Variants in ROBO1 observed in about 807,000 individuals in gnomAD.
ROBO1 encodes roundabout homolog 1.
Under a neutral mutation model 195.9 loss-of-function variants are expected in ROBO1, and 149 were observed. The observed-to-expected ratio is 0.76, with a 90% CI of 0.67 to 0.87. The LOEUF (loss-of-function observed/expected upper bound fraction) is 0.87, where lower values mean the gene tolerates loss of function less well. Ranked by LOEUF, ROBO1 falls within the 40% of genes least tolerant of loss-of-function variation. The probability of loss-of-function intolerance (pLI) is 0.00; values close to 1 mark genes in which losing one functional copy is unlikely to be tolerated. For missense variants in ROBO1, 1,933 were observed against 2,068.3 expected, an observed-to-expected ratio of 0.93 and a Z score of 1.27; for synonymous variants, 816 against 733.2, an observed-to-expected ratio of 1.11 and a Z score of -1.82.
chr3:79,752,071 C>T (rs568424720), intron 1 of ROBO1, among the ~76,000 whole-genome samples: 6 of 152,236 alleles, frequency 3.9e-5, no homozygotes, highest in African/African-American at 1.2e-4. Flanking sequence ...AACAAGCCAA[C>T]ACATTTTTAT....
chr3:78,947,490 A>C (rs1439774229), intron 3 of ROBO1, among the ~76,000 whole-genome samples: 1 of 152,202 alleles, frequency 6.6e-6, no homozygotes, highest in Non-Finnish European at 1.5e-5. Context: ...ACAAAGTCAC[A>C]ACATACCAGA....
intron 3 of ROBO1, among the ~76,000 whole-genome samples, chr3:79,110,986 A>G (rs1019882263): frequency 6.6e-6 from 1 of 152,088 alleles, no homozygotes; most frequent in African/African-American, 2.4e-5. Context: ...GTGTCATAAT[A>G]TATCACTTGT....
At chr3:79,136,492 T>G (rs2080411721) in intron 2 of ROBO1, among the ~76,000 whole-genome samples, 1 of 152,148 alleles carries the variant, frequency 6.6e-6, no homozygotes, top group Admixed American at 6.5e-5. Flanking sequence ...GAATATAAAC[T>G]ACTATCAATA....
chr3:79,027,294 C>T (rs1427393573), intron 3 of ROBO1, among the ~76,000 whole-genome samples: 2 of 152,076 alleles, frequency 1.3e-5, no homozygotes, highest in Non-Finnish European at 2.9e-5. Context: ...TTCAATGTTA[C>T]ACTACCTTTG....
intron 2 of ROBO1, among the ~76,000 whole-genome samples, chr3:79,269,444 T>G (rs147422787): frequency 2.0e-3 from 309 of 151,766 alleles, no homozygotes; most frequent in African/African-American, 7.0e-3. Context: ...AAATAACTAG[T>G]GTAGTTTTTT....
intron 2 of ROBO1, among the ~76,000 whole-genome samples, chr3:79,287,407 C>G (rs2031953651): frequency 6.6e-6 from 1 of 152,004 alleles, no homozygotes; most frequent in Non-Finnish European, 1.5e-5. Flanking sequence ...TATGCAAACC[C>G]CATAATTCTC....
At chr3:78,744,488 G>T (rs572870775) in intron 5 of ROBO1, among the ~76,000 whole-genome samples, 1 of 152,150 alleles carries the variant, frequency 6.6e-6, no homozygotes, top group Non-Finnish European at 1.5e-5. Flanking sequence ...AAGAGCCTAC[G>T]CAGTTGGACA....
chr3:78,693,407 A>G (rs973722900), intron 8 of ROBO1: 5 of 1,310,830 alleles, frequency 3.8e-6, no homozygotes, highest in African/African-American at 1.5e-5. Context: ...ATAAGGAAAC[A>G]TAAAATGAAA....
At chr3:79,169,461 C>G (rs550592660) in intron 2 of ROBO1, among the ~76,000 whole-genome samples, 1 of 152,258 alleles carries the variant, frequency 6.6e-6, no homozygotes, top group African/African-American at 2.4e-5. Context: ...TGCACACACA[C>G]ACACACGTTT....
intron 3 of ROBO1, among the ~76,000 whole-genome samples, chr3:78,975,311 T>C (rs1180361135): frequency 1.3e-5 from 2 of 152,200 alleles, no homozygotes; most frequent in Admixed American, 6.5e-5. Context: ...GATTATCTCC[T>C]ATGTTCATGT....
chr3:79,525,254 T>C (rs1449621357), intron 2 of ROBO1, among the ~76,000 whole-genome samples: 1 of 150,546 alleles, frequency 6.6e-6, no homozygotes, highest in Non-Finnish European at 1.5e-5. Flanking sequence ...ACACTATATG[T>C]ATAATGTCTG....
At chr3:79,260,623 T>G (rs892942279) in intron 2 of ROBO1, among the ~76,000 whole-genome samples, 4 of 152,130 alleles carry the variant, frequency 2.6e-5, no homozygotes, top group African/African-American at 9.6e-5. Context: ...ATTCTGGTTA[T>G]TAGAGAGTTT....
At chr3:79,643,913 G>C (rs1401807034) in intron 1 of ROBO1, among the ~76,000 whole-genome samples, 1 of 151,934 alleles carries the variant, frequency 6.6e-6, no homozygotes, top group Non-Finnish European at 1.5e-5. Context: ...AAAAAACGTA[G>C]GATGAAGAAA....
intron 1 of ROBO1, among the ~76,000 whole-genome samples, chr3:79,607,182 T>C (rs1944515041): frequency 2.0e-5 from 3 of 150,520 alleles, no homozygotes; most frequent in Non-Finnish European, 4.4e-5. Flanking sequence ...TGAAATCTGG[T>C]GTGATTTTAC....
intron 2 of ROBO1, among the ~76,000 whole-genome samples, chr3:79,364,234 GTGTA>G (rs1387738228): frequency 1.4e-5 from 2 of 145,816 alleles, no homozygotes; most frequent in Admixed American, 6.9e-5. Flanking sequence ...AAATGTGTGT[GTGTA>G]TATATATATA....
chr3:79,560,887 A>G (rs1323998599), intron 2 of ROBO1, among the ~76,000 whole-genome samples: 1 of 152,174 alleles, frequency 6.6e-6, no homozygotes, highest in Non-Finnish European at 1.5e-5. Flanking sequence ...AACAATTGCT[A>G]TGATATGTAT....
chr3:78,654,995 C>T (rs1256988739), intron 18 of ROBO1, among the ~76,000 whole-genome samples: 2 of 152,300 alleles, frequency 1.3e-5, no homozygotes, highest in Non-Finnish European at 1.5e-5. Context: ...TTTTCCTCCA[C>T]ATCTCATATA....
intron 4 of ROBO1, among the ~76,000 whole-genome samples, chr3:78,813,186 A>C (rs948051459): frequency 6.6e-6 from 1 of 152,082 alleles, no homozygotes; most frequent in East Asian, 1.9e-4. Context: ...TCAAATAATA[A>C]GGAAGAAAAT....
intron 1 of ROBO1, among the ~76,000 whole-genome samples, chr3:79,633,982 T>C (rs371911054): frequency 6.6e-6 from 1 of 152,122 alleles, no homozygotes; most frequent in East Asian, 1.9e-4. Flanking sequence ...GAGCCAAGTA[T>C]GACATTAGAT....
Sources: gnomAD v4.1 joint callset for allele counts (sites outside exome capture counted in the v4.1 genomes callset) on GRCh38, gnomAD v4.1.1 for gene constraint, MANE v1.5 for transcripts, NCBI Gene and HGNC (gene_info 2026-07-23, HGNC 2026-07-21) for gene names.